Variants in SNX29 observed in about 807,000 individuals in gnomAD.
SNX29 encodes sorting nexin 29.
In SNX29, 78 loss-of-function variants were observed where a neutral mutation model predicts 102.1. That is an observed-to-expected ratio of 0.76 (90% confidence interval 0.64 to 0.92). SNX29 has a LOEUF of 0.92. SNX29 is among the 40% of genes least tolerant of loss of function. The pLI is 0.00. For synonymous variants in SNX29, 580 were observed against 414.5 expected (o/e 1.40, Z -4.85); for missense variants, 1,280 against 1,061.7 (o/e 1.21, Z -2.86).
At position 12,541,924 on chromosome 16, in the gene SNX29, C is replaced by T. The variant is rs143338268; in HGVS notation, c.2318+17083C>T. On this transcript the variant is annotated intron_variant, in intron 20 of 20. Coordinates refer to ENST00000566228, the MANE Select transcript of SNX29 (RefSeq NM_032167.5). Reference sequence around the variant, plus strand: ...ACAGATGTTTTCCACTGATTGCCCACGGTACATCCTGGGCCCACACAAGAG... The same window carrying T: ...ACAGATGTTTTCCACTGATTGCCCATGGTACATCCTGGGCCCACACAAGAG... 7.0e-4 allele frequency among the ~76,000 whole-genome samples: 106 copies of T among 152,296 alleles called. 2 individuals carry two copies. Among genetic ancestry groups the T allele is most frequent in the Admixed American group, 8.5e-4 (13 of 15,294 alleles).
chr16:12,541,728 G>A lies in SNX29; in HGVS notation c.2318+16887G>A, dbSNP rs137883461. 9.3e-4 allele frequency among the ~76,000 whole-genome samples: 141 copies of A among 152,152 alleles called. 3 individuals are homozygous for A. Among genetic ancestry groups the A allele is most frequent in the African/African-American group, 3.3e-3 (136 of 41,508 alleles). The stretch of plus-strand genomic sequence containing the variant: ...GGGTTCCTGATTCCTGTCACCTCCT[G>A]TCTTTTCCGTACTGTGCCAGCCAGT... On this transcript the variant is annotated intron_variant, in intron 20 of 20. Transcript: ENST00000566228.
Position 12,283,584 on chromosome 16 carries a change from G to T in SNX29, c.1782+5548G>T, listed in dbSNP as rs896519890. Reference sequence around the variant, plus strand: ...TCCACCCACCTCAGCCTCCCAAAGTGCTGGGATTACAGGCATGAGCCACTT... The same window carrying T: ...TCCACCCACCTCAGCCTCCCAAAGTTCTGGGATTACAGGCATGAGCCACTT... On this transcript the variant is annotated intron_variant, in intron 15 of 20. Transcript: ENST00000566228. Among the ~76,000 whole-genome samples, 4 of 152,202 alleles carry T rather than the reference G, an allele frequency of 2.6e-5. No individual in the cohort carries two copies. In the East Asian group the frequency reaches 7.7e-4, roughly 29 times the overall value.
intron 3 of SNX29, among the ~76,000 whole-genome samples, chr16:12,023,722 C>G (rs2057100814): frequency 6.6e-6 from 1 of 152,088 alleles, no homozygotes; most frequent in Non-Finnish European, 1.5e-5. Flanking sequence ...AGATGGGAAG[C>G]AGTGGAAAGC....
At chr16:12,496,925 G>C (rs1041260528) in intron 19 of SNX29, among the ~76,000 whole-genome samples, 2 of 152,156 alleles carry the variant, frequency 1.3e-5, no homozygotes, top group African/African-American at 4.8e-5. Context: ...ATGGGTAATG[G>C]ACAGGTTCAG....
At chr16:12,294,587 G>T (rs1477576129) in intron 15 of SNX29, among the ~76,000 whole-genome samples, 1 of 152,160 alleles carries the variant, frequency 6.6e-6, no homozygotes, top group Admixed American at 6.5e-5. Context: ...CCGCCATCAT[G>T]GTTCCCTGTT....
intron 15 of SNX29, among the ~76,000 whole-genome samples, chr16:12,322,054 T>C (rs932846496): frequency 6.6e-6 from 1 of 152,162 alleles, no homozygotes; most frequent in Non-Finnish European, 1.5e-5. Flanking sequence ...CGGTCCTGTG[T>C]CTGCGTGACA....
At chr16:12,556,755 A>G (rs3135015) in intron 20 of SNX29, among the ~76,000 whole-genome samples, 122,112 of 152,054 alleles carry the variant, frequency 0.8, 49,786 homozygotes, top group African/African-American at 0.88. Flanking sequence ...AAATTAAGGC[A>G]CCCCCAGAGT....
intron 14 of SNX29, among the ~76,000 whole-genome samples, chr16:12,261,343 TGC>T (rs2078752656): frequency 1.6e-5 from 2 of 128,966 alleles, no homozygotes; most frequent in African/African-American, 3.0e-5. Flanking sequence ...GGTCTGTGCG[TGC>T]GTCCCTGGCT....
chr16:12,000,132 G>C (rs1374930484), intron 2 of SNX29, among the ~76,000 whole-genome samples: 1 of 152,130 alleles, frequency 6.6e-6, no homozygotes, highest in African/African-American at 2.4e-5. Context: ...ATGTGATGCT[G>C]TTTGTGATGC....
In SNX29 at chr16:12,405,688, G is replaced by T. The variant is rs55928090; in HGVS notation, c.2037+2159G>T. Among the ~76,000 whole-genome samples, 664 of 152,294 alleles carry T rather than the reference G, an allele frequency of 4.4e-3. 5 individuals carry two copies. Among genetic ancestry groups the T allele is most frequent in the African/African-American group, 0.015 (636 of 41,558 alleles). ...TTTATATAAATGATATTGCATAGAA[G>T]GTGACTCATTTAAAATACTGGTACT... On this transcript the variant is annotated intron_variant, in intron 18 of 20. Transcript: ENST00000566228.
chr16:12,184,145 G>A (rs942765353), intron 13 of SNX29, among the ~76,000 whole-genome samples: 4 of 152,168 alleles, frequency 2.6e-5, no homozygotes, highest in Non-Finnish European at 4.4e-5. Flanking sequence ...CTCTCTTGGG[G>A]TCTGGATCAG....
intron 18 of SNX29, among the ~76,000 whole-genome samples, chr16:12,465,838 GT>G (rs57431968): frequency 0.26 from 37,240 of 141,820 alleles, 5,983 homozygotes; most frequent in African/African-American, 0.47. Flanking sequence ...ATTTGTTTGT[GT>G]TTTTTTTTTT....
At chr16:12,008,565 G>A (rs547961821) in intron 3 of SNX29, among the ~76,000 whole-genome samples, 3 of 152,138 alleles carry the variant, frequency 2.0e-5, no homozygotes, top group South Asian at 2.1e-4. Flanking sequence ...CACCGCACCC[G>A]GCCTGGATCA....
At chr16:12,058,387 A>G (rs1223079396) in intron 8 of SNX29, among the ~76,000 whole-genome samples, 2 of 151,966 alleles carry the variant, frequency 1.3e-5, no homozygotes, top group East Asian at 1.9e-4. Flanking sequence ...TTTTAAGCCA[A>G]TCAAGGCACC....
intron 20 of SNX29, chr16:12,527,149 C>G (rs561701799): frequency 3.7e-5 from 19 of 516,130 alleles, no homozygotes; most frequent in African/African-American, 3.4e-4. Flanking sequence ...CAGCCCCCTT[C>G]TCCTTCTTCC....
intron 20 of SNX29, among the ~76,000 whole-genome samples, chr16:12,538,769 G>A (rs35625545): frequency 0.21 from 31,608 of 152,114 alleles, 3,530 homozygotes; most frequent in East Asian, 0.44. Context: ...CAAGCTGTGA[G>A]CATGTCACAT....
chr16:12,538,838 G>T (rs564069330), intron 20 of SNX29, among the ~76,000 whole-genome samples: 2 of 152,292 alleles, frequency 1.3e-5, no homozygotes, highest in South Asian at 2.1e-4. Context: ...GCAAAGTCAC[G>T]TGGCAAAGAG....
intron 1 of SNX29, among the ~76,000 whole-genome samples, chr16:11,995,328 A>C (rs2056024125): frequency 6.6e-6 from 1 of 152,126 alleles, no homozygotes; most frequent in South Asian, 2.1e-4. Context: ...GGCCCCCCAA[A>C]GTTGCTGGGA....
chr16:12,112,521 G>C (rs1291916904), intron 11 of SNX29, among the ~76,000 whole-genome samples: 1 of 152,210 alleles, frequency 6.6e-6, no homozygotes, highest in African/African-American at 2.4e-5. Context: ...AACGCAGAAG[G>C]CATGGGTGGA....
Sources: allele counts gnomAD v4.1 joint callset (sites outside exome capture counted in the v4.1 genomes callset), GRCh38; gene constraint gnomAD v4.1.1; transcripts MANE v1.5; gene names NCBI Gene and HGNC (gene_info 2026-07-23, HGNC 2026-07-21).